The following BMP2K variants were observed in gnomAD, a reference collection of about 807,000 sequenced individuals.
BMP2K encodes the protein BMP-2-inducible protein kinase.
BMP2K carries 74 observed loss-of-function variants against 116.0 expected under a neutral mutation model. The observed-to-expected ratio is 0.64, with a 90% confidence interval of 0.53 to 0.77. BMP2K has a LOEUF of 0.77. Ranked by LOEUF, BMP2K falls within the 30% of genes least tolerant of loss-of-function variation. BMP2K has a pLI of 0.00. For missense variants in BMP2K, 1,365 were observed against 1,403.6 expected (o/e 0.97, Z 0.44); for synonymous variants, 486 against 502.5 (o/e 0.97, Z 0.44).
chr4:78,896,143 G>A (rs1733687295), intron 15 of BMP2K, among the ~76,000 whole-genome samples: 1 of 151,296 alleles, frequency 6.6e-6, no homozygotes, highest in African/African-American at 2.5e-5. Context: ...TAACTTTTTT[G>A]CAGCCAAGAT....
rs150888081 is a variant in BMP2K at position 78,911,922 on chromosome 4, C to T, written c.3375C>T (p.Ala1125=). Reference sequence around the variant, plus strand: ...TATTGAAAATGGATGATTTTGGTGCCGTGCCCTTTACAGAACTTGTGGTGC... The same window carrying T: ...TATTGAAAATGGATGATTTTGGTGCTGTGCCCTTTACAGAACTTGTGGTGC... ...ADVLKMDDFG[A]VPFTELVVQS... is the part of the protein sequence containing the mutation. The change falls in exon 16 of 16, where the codon GCC becomes GCT. Residue 1125 remains alanine (A), a synonymous_variant. Coordinates refer to ENST00000502613, the MANE Select transcript of BMP2K (RefSeq NM_198892.2). 5 of 1,613,922 alleles carry T rather than the reference C, an allele frequency of 3.1e-6. No individual in the cohort carries two copies. The East Asian group carries it at 6.7e-5, about 22-fold the overall frequency.
chr4:78,832,058 AATTT>A (rs1279300395), intron 2 of BMP2K, among the ~76,000 whole-genome samples: 1 of 152,152 alleles, frequency 6.6e-6, no homozygotes, highest in Non-Finnish European at 1.5e-5. Flanking sequence ...TCTGTAACAC[AATTT>A]ATTTATCATT....
chr4:78,907,070 G>T (rs184564239), intron 15 of BMP2K, among the ~76,000 whole-genome samples: 5 of 152,198 alleles, frequency 3.3e-5, no homozygotes, highest in Non-Finnish European at 7.4e-5. Flanking sequence ...TATCTAAAAT[G>T]CCGAAAAACT....
intron 1 of BMP2K, among the ~76,000 whole-genome samples, chr4:78,796,143 A>G (rs1358001314): frequency 2.0e-5 from 3 of 152,306 alleles, no homozygotes; most frequent in Middle Eastern, 3.4e-3. Context: ...AACCAAGCCA[A>G]ATGTCCAACA....
intron 1 of BMP2K, among the ~76,000 whole-genome samples, chr4:78,805,125 A>T (rs1489094163): frequency 6.6e-6 from 1 of 152,154 alleles, no homozygotes; most frequent in Non-Finnish European, 1.5e-5. Flanking sequence ...ATTCATTTGC[A>T]TGTTAATAGC....
chr4:78,783,304 T>C (rs1023534885), intron 1 of BMP2K, among the ~76,000 whole-genome samples: 7 of 152,212 alleles, frequency 4.6e-5, no homozygotes, highest in African/African-American at 1.7e-4. Flanking sequence ...ATATACAATA[T>C]TAACAAATGG....
Position 78,833,595 on chromosome 4 carries a change from G to A in BMP2K, c.311G>A (p.Gly104Asp). ...REITIMKELSGHKNIVGYLDC... is the reference protein window; with the variant it reads ...REITIMKELSDHKNIVGYLDC... Reference sequence around the variant, plus strand: ...TTTTCTTTCCAGAAAGAGCTATCTGGTCACAAAAATATTGTGGGCTATTTG... The same window carrying A: ...TTTTCTTTCCAGAAAGAGCTATCTGATCACAAAAATATTGTGGGCTATTTG... Residue 104 changes from glycine (G) to aspartate (D), a missense_variant, in exon 3 of 16, where the codon GGT (glycine) becomes GAT (aspartate). This residue lies in a region of BMP2K where 762 missense variants were observed against 756.7 expected (regional missense o/e 1.01). Transcript: ENST00000502613. 1 of 1,588,768 alleles carries A rather than the reference G, an allele frequency of 6.3e-7. No individual in the cohort carries two copies. Among genetic ancestry groups the A allele is most frequent in the Non-Finnish European group, 8.5e-7 (1 of 1,172,166 alleles).
At chr4:78,843,708 C>T (rs1365758392) in intron 4 of BMP2K, among the ~76,000 whole-genome samples, 1 of 151,804 alleles carries the variant, frequency 6.6e-6, no homozygotes, top group Non-Finnish European at 1.5e-5. Context: ...ATTTGGATAA[C>T]CAGTGTAGTT....
chr4:78,849,455 A>G (rs1374719929), intron 6 of BMP2K, among the ~76,000 whole-genome samples: 1 of 151,644 alleles, frequency 6.6e-6, no homozygotes, highest in South Asian at 2.1e-4. Context: ...TGGGAACCCT[A>G]CAACATTTAC....
intron 15 of BMP2K, among the ~76,000 whole-genome samples, chr4:78,905,700 CTT>C (rs1038993901): frequency 2.0e-5 from 3 of 151,954 alleles, no homozygotes; most frequent in Non-Finnish European, 4.4e-5. Flanking sequence ...GGGAAATTAA[CTT>C]TAGCAGTGAA....
At chr4:78,780,510 G>A (rs1727452670) in intron 1 of BMP2K, among the ~76,000 whole-genome samples, 1 of 152,188 alleles carries the variant, frequency 6.6e-6, no homozygotes, top group African/African-American at 2.4e-5. Context: ...ATCTGATTTT[G>A]CACTATAAAT....
chr4:78,874,423 T>C (rs1231423615), intron 13 of BMP2K, among the ~76,000 whole-genome samples: 1 of 152,188 alleles, frequency 6.6e-6, no homozygotes, highest in Non-Finnish European at 1.5e-5. Flanking sequence ...CCCCTAGTGA[T>C]AAGAATGGAA....
At chr4:78,898,594 A>G (rs1733832127) in intron 15 of BMP2K, among the ~76,000 whole-genome samples, 4 of 150,240 alleles carry the variant, frequency 2.7e-5, no homozygotes, top group South Asian at 4.2e-4. Context: ...TAGACTGTAT[A>G]TCTAATCATA....
chr4:78,796,002 A>C (rs1327303525), intron 1 of BMP2K, among the ~76,000 whole-genome samples: 1 of 151,798 alleles, frequency 6.6e-6, no homozygotes, highest in Non-Finnish European at 1.5e-5. Context: ...AGGGATCTAG[A>C]ACTGGAAATA....
At chr4:78,814,867 A>G (rs1191948459) in intron 1 of BMP2K, among the ~76,000 whole-genome samples, 5 of 152,256 alleles carry the variant, frequency 3.3e-5, no homozygotes, top group East Asian at 1.9e-4. Context: ...TGATATTATT[A>G]TATTCACATC....
At chr4:78,845,210 G>T (rs936191331) in intron 5 of BMP2K, among the ~76,000 whole-genome samples, 161 bp downstream of exon 5, 1 of 151,538 alleles carries the variant, frequency 6.6e-6, no homozygotes, top group East Asian at 1.9e-4. Flanking sequence ...ATCTAGCTCA[G>T]TAGGAAATAT....
At chr4:78,807,715 A>T (rs192219271) in intron 1 of BMP2K, among the ~76,000 whole-genome samples, 1 of 150,894 alleles carries the variant, frequency 6.6e-6, no homozygotes, top group African/African-American at 2.4e-5. Context: ...TAAAATTATT[A>T]ACCCTATAAT....
At chr4:78,888,519 C>G (rs1322725571) in intron 15 of BMP2K, among the ~76,000 whole-genome samples, 1 of 152,110 alleles carries the variant, frequency 6.6e-6, no homozygotes, top group Non-Finnish European at 1.5e-5. Context: ...ATTGCATTAT[C>G]CTTTTCAGGT....
intron 6 of BMP2K, among the ~76,000 whole-genome samples, chr4:78,850,131 TTTC>T (rs1179588523): frequency 6.6e-6 from 1 of 151,764 alleles, no homozygotes; most frequent in African/African-American, 2.4e-5. Flanking sequence ...AAAGTAATGA[TTTC>T]TTGAGCCAAA....
Sources: allele counts gnomAD v4.1 joint callset (sites outside exome capture counted in the v4.1 genomes callset), GRCh38; gene constraint gnomAD v4.1.1; regional missense constraint gnomAD v4.1.1; transcripts MANE v1.5; gene names NCBI Gene and HGNC (gene_info 2026-07-23, HGNC 2026-07-21).